The following MARCHF1 variants were observed in gnomAD, a reference collection of about 807,000 sequenced individuals.
The protein encoded by MARCHF1 is membrane associated ring-CH-type finger 1.
MARCHF1 carries 40 observed loss-of-function variants against 54.2 expected under a neutral mutation model. The observed-to-expected ratio is 0.74, with a 90% CI of 0.57 to 0.96. The LOEUF is 0.96. Among genes scored for constraint, MARCHF1 ranks in the 40% least tolerant of loss-of-function variants. The pLI, the probability that MARCHF1 is intolerant of heterozygous loss-of-function variation, is 0.00. For synonymous variants in MARCHF1, 236 were observed against 236.3 expected, an observed-to-expected ratio of 1.00 and a Z score of 0.01; for missense variants, 586 against 656.5, an observed-to-expected ratio of 0.89 and a Z score of 1.17.
chr4:163,701,553 G>A (rs1744809230), intron 4 of MARCHF1, among the ~76,000 whole-genome samples: 1 of 152,138 alleles, frequency 6.6e-6, no homozygotes, highest in Non-Finnish European at 1.5e-5. Flanking sequence ...TGGACCTTAA[G>A]TAGTTGGGCC....
At chr4:163,680,940 A>G (rs1314508812) in intron 5 of MARCHF1, among the ~76,000 whole-genome samples, 1 of 151,266 alleles carries the variant, frequency 6.6e-6, no homozygotes, top group African/African-American at 2.4e-5. Flanking sequence ...TGTCTAATAC[A>G]TACATACATA....
At chr4:163,735,874 C>G (rs977295255) in intron 4 of MARCHF1, among the ~76,000 whole-genome samples, 3 of 152,084 alleles carry the variant, frequency 2.0e-5, no homozygotes, top group African/African-American at 7.2e-5. Flanking sequence ...GTACAGTGGT[C>G]CCCCCTTCAT....
At chr4:163,610,246 G>A (rs1293212220) in intron 7 of MARCHF1, among the ~76,000 whole-genome samples, 1 of 151,950 alleles carries the variant, frequency 6.6e-6, no homozygotes, top group Admixed American at 6.6e-5. Context: ...TAGATCATAA[G>A]CCACTTAAGG....
At chr4:164,278,204 G>T (rs543327262) in intron 1 of MARCHF1, among the ~76,000 whole-genome samples, 3 of 152,230 alleles carry the variant, frequency 2.0e-5, no homozygotes, top group South Asian at 2.1e-4. Context: ...CAGCTACTTG[G>T]GAGGCTGAGG....
intron 5 of MARCHF1, among the ~76,000 whole-genome samples, chr4:163,678,617 AGCTATTTGTGT>A (rs374537199): frequency 1.3e-5 from 2 of 152,314 alleles, no homozygotes; most frequent in East Asian, 3.9e-4. Context: ...ACAGAAAATA[AGCTATTTGTGT>A]GAGTTATGTG....
chr4:163,574,412 T>A (rs1483339898), intron 8 of MARCHF1, among the ~76,000 whole-genome samples: 1 of 151,950 alleles, frequency 6.6e-6, no homozygotes, highest in African/African-American at 2.4e-5. Flanking sequence ...TGAATGGTAT[T>A]GCCTAGGTTT....
At chr4:164,189,807 C>T (rs1215161569) in intron 1 of MARCHF1, 2 of 1,584,346 alleles carry the variant, frequency 1.3e-6, no homozygotes, top group African/African-American at 1.3e-5. Flanking sequence ...CATTCATCTT[C>T]TGGGTACATT....
In MARCHF1 at chr4:164,248,891, A is replaced by G. The variant is rs183815786; in HGVS notation, c.-323+134979T>C. 1.8e-3 allele frequency among the ~76,000 whole-genome samples: 272 copies of G among 151,694 alleles called. 5 individuals carry two copies. The highest frequency in any genetic ancestry group is 3.8e-4 in the Non-Finnish European group (26 of 67,928). ...TAAGGGCTAGGAAATTTTAAATTTC[A>G]TAATTCATTCACATAATTCATAAAT... On this transcript the variant is annotated intron_variant, in intron 1 of 9. Transcript: ENST00000514618.
chr4:163,823,770 T>C (rs1748765008), intron 4 of MARCHF1, among the ~76,000 whole-genome samples: 1 of 151,702 alleles, frequency 6.6e-6, no homozygotes, highest in African/African-American at 2.4e-5. Context: ...CTACAGAAAA[T>C]TAATAAGAAT....
chr4:164,197,346 G>A, intron 1 of MARCHF1: 1 of 1,612,612 alleles, frequency 6.2e-7, no homozygotes, highest in South Asian at 1.1e-5. Flanking sequence ...CGTTCAGGTT[G>A]GTTACCTCGC....
intron 4 of MARCHF1, among the ~76,000 whole-genome samples, chr4:163,733,269 A>ACC (rs1745933749): frequency 8.1e-6 from 1 of 123,182 alleles, no homozygotes; most frequent in African/African-American, 3.1e-5. Flanking sequence ...ACACACACAC[A>ACC]CACACACAGA....
At chr4:163,721,984 C>G (rs148722509) in intron 4 of MARCHF1, among the ~76,000 whole-genome samples, 3,747 of 152,116 alleles carry the variant, frequency 0.025, 175 homozygotes, top group African/African-American at 0.084. Flanking sequence ...AAACCAGTTC[C>G]TGGATTCATT....
chr4:163,632,952 C>A (rs1038347478), intron 5 of MARCHF1, among the ~76,000 whole-genome samples: 1 of 151,576 alleles, frequency 6.6e-6, no homozygotes, highest in Non-Finnish European at 1.5e-5. Flanking sequence ...GACCCCTGAG[C>A]AGCCTAACTA....
At chr4:164,363,869 GT>G (rs1730799533) in intron 1 of MARCHF1, among the ~76,000 whole-genome samples, 2 of 151,866 alleles carry the variant, frequency 1.3e-5, no homozygotes, top group Non-Finnish European at 2.9e-5. Flanking sequence ...GTCTTCTGGT[GT>G]TATCAGCAAT....
intron 4 of MARCHF1, among the ~76,000 whole-genome samples, chr4:163,794,904 A>G (rs576337409): frequency 4.6e-5 from 7 of 152,290 alleles, no homozygotes; most frequent in Admixed American, 3.3e-4. Context: ...ATCCCCCACC[A>G]AAACTGAGAA....
chr4:163,607,212 G>C (rs1021398098), intron 7 of MARCHF1, among the ~76,000 whole-genome samples: 1 of 152,026 alleles, frequency 6.6e-6, no homozygotes, highest in African/African-American at 2.4e-5. Context: ...GATTTCTGTT[G>C]ATTTTATCCC....
chr4:164,150,026 A>G (rs984581740), intron 1 of MARCHF1, among the ~76,000 whole-genome samples: 1 of 152,164 alleles, frequency 6.6e-6, no homozygotes, highest in African/African-American at 2.4e-5. Context: ...TTTAGACACT[A>G]TATTATTGTC....
At chr4:164,064,662 T>C (rs1404030697) in intron 2 of MARCHF1, among the ~76,000 whole-genome samples, 3 of 152,214 alleles carry the variant, frequency 2.0e-5, no homozygotes, top group African/African-American at 7.2e-5. Flanking sequence ...CTGATCGCCC[T>C]GGCCAGAACT....
rs181621155 is a variant in MARCHF1 at position 163,654,752 on chromosome 4, G to C, written c.163-41359C>G. Among the ~76,000 whole-genome samples the C allele has an allele frequency of 2.5e-3, 374 of 151,560 alleles. 1 individual carries two copies. The highest frequency in any genetic ancestry group is 4.4e-3 in the Non-Finnish European group (299 of 67,702). On this transcript the variant is annotated intron_variant, in intron 5 of 9. Coordinates refer to ENST00000514618, the MANE Select transcript of MARCHF1 (RefSeq NM_001394959.1). The stretch of plus-strand genomic sequence containing the variant: ...TCATCAGTGTCTTTCTTAGACTTTA[G>C]GTAAGTCACTTGTAAATTCCATACA...
Sources: gnomAD v4.1 joint callset for allele counts (sites outside exome capture counted in the v4.1 genomes callset) on GRCh38, gnomAD v4.1.1 for gene constraint, MANE v1.5 for transcripts, NCBI Gene and HGNC (gene_info 2026-07-23, HGNC 2026-07-21) for gene names.